PCDH7: variants seen among roughly 807,000 people sequenced by gnomAD.
PCDH7 encodes the protein protocadherin 7, also known as protocadherin-7.
In PCDH7, 17 loss-of-function variants were observed where a neutral mutation model predicts 58.9. The observed-to-expected ratio is 0.29, with a 90% CI of 0.20 to 0.43. PCDH7 has a LOEUF of 0.43. PCDH7 is among the 20% of genes least tolerant of loss of function. The pLI is 1.00. For synonymous variants in PCDH7, 664 were observed against 616.4 expected (o/e 1.08, Z -1.14); for missense variants, 1,274 against 1,441.0 (o/e 0.88, Z 1.88).
At chr4:31,003,530 G>T (rs917232063) in intron 3 of PCDH7, among the ~76,000 whole-genome samples, 1 of 151,928 alleles carries the variant, frequency 6.6e-6, no homozygotes, top group Non-Finnish European at 1.5e-5. Flanking sequence ...GTGATTACCG[G>T]CTCAGTATCC....
At chr4:30,997,578 G>A (rs1190304824) in intron 3 of PCDH7, among the ~76,000 whole-genome samples, 1 of 152,056 alleles carries the variant, frequency 6.6e-6, no homozygotes, top group African/African-American at 2.4e-5. Flanking sequence ...TATATTTAAA[G>A]ATGGTGATTT....
chr4:30,850,367 G>A (rs1018820966), intron 1 of PCDH7, among the ~76,000 whole-genome samples: 2 of 151,910 alleles, frequency 1.3e-5, no homozygotes, highest in African/African-American at 4.8e-5. Flanking sequence ...TTTAATAACT[G>A]CTCTTCTCTT....
chr4:31,122,985 G>A (rs1345581939), intron 3 of PCDH7, among the ~76,000 whole-genome samples: 1 of 151,718 alleles, frequency 6.6e-6, no homozygotes, highest in East Asian at 1.9e-4. Context: ...ATTAACTTTT[G>A]TACACCTAAT....
At position 31,128,146 on chromosome 4, in the gene PCDH7, T is replaced by C. The variant is rs191897261; in HGVS notation, c.*8-14327T>C. Among the ~76,000 whole-genome samples the C allele has an allele frequency of 2.8e-3, 414 of 149,256 alleles. 1 individual carries two copies. Among genetic ancestry groups the C allele is most frequent in the East Asian group, 0.02 (100 of 5,124 alleles). ...ATATATGTATGCACATATACATATA[T>C]ACACACACACACACACACGGACACA... On this transcript the variant is annotated intron_variant, in intron 3 of 3. Coordinates refer to the PCDH7 transcript ENST00000509759.
intron 3 of PCDH7, among the ~76,000 whole-genome samples, chr4:31,065,389 C>A (rs993788826): frequency 1.3e-5 from 2 of 151,972 alleles, no homozygotes; most frequent in Non-Finnish European, 2.9e-5. Context: ...ATGGACTTTA[C>A]TGAAAATTGT....
intron 3 of PCDH7, among the ~76,000 whole-genome samples, chr4:31,078,439 T>C (rs1180194764): frequency 6.6e-6 from 1 of 151,986 alleles, no homozygotes; most frequent in Non-Finnish European, 1.5e-5. Context: ...CATGTCAATA[T>C]GCTTGGCTAA....
At chr4:31,059,376 T>C (rs878995659) in intron 3 of PCDH7, among the ~76,000 whole-genome samples, 1 of 151,898 alleles carries the variant, frequency 6.6e-6, no homozygotes, top group African/African-American at 2.4e-5. Context: ...TGATTACTAT[T>C]TTTTAAAATC....
At chr4:31,101,100 A>G (rs563083573) in intron 3 of PCDH7, among the ~76,000 whole-genome samples, 1 of 151,208 alleles carries the variant, frequency 6.6e-6, no homozygotes, top group African/African-American at 2.4e-5. Flanking sequence ...ACCAGGTAGC[A>G]TTTTTTTTTC....
intron 1 of PCDH7, among the ~76,000 whole-genome samples, chr4:30,782,202 A>T (rs1426747713): frequency 1.3e-5 from 2 of 152,202 alleles, no homozygotes. Context: ...GGAAACTTGT[A>T]TAAGTTTGCT....
chr4:30,952,015 C>T (rs552107099), intron 3 of PCDH7, among the ~76,000 whole-genome samples: 26 of 152,262 alleles, frequency 1.7e-4, no homozygotes, highest in African/African-American at 6.3e-4. Context: ...AACATGGGCC[C>T]TTCCCTTCAC....
intron 3 of PCDH7, among the ~76,000 whole-genome samples, chr4:31,123,062 T>TA (rs1366919054): frequency 6.6e-6 from 1 of 152,074 alleles, no homozygotes; most frequent in Non-Finnish European, 1.5e-5. Flanking sequence ...TAATATTTGT[T>TA]AATTTTAATA....
chr4:31,103,024 T>C (rs1715094185), intron 3 of PCDH7, among the ~76,000 whole-genome samples: 1 of 152,208 alleles, frequency 6.6e-6, no homozygotes, highest in African/African-American at 2.4e-5. Context: ...TAACTGATGT[T>C]TACATTAGTA....
At chr4:30,814,254 C>A (rs918244437) in intron 1 of PCDH7, among the ~76,000 whole-genome samples, 7 of 151,662 alleles carry the variant, frequency 4.6e-5, no homozygotes, top group African/African-American at 1.2e-4. Context: ...AGTAATACGC[C>A]TATATTAAAT....
chr4:30,806,784 T>A (rs893428188), intron 1 of PCDH7, among the ~76,000 whole-genome samples: 17 of 152,008 alleles, frequency 1.1e-4, no homozygotes, highest in Admixed American at 4.6e-4. Flanking sequence ...TTCTGTAGCA[T>A]TTACTAAGGT....
intron 3 of PCDH7, among the ~76,000 whole-genome samples, chr4:31,138,606 T>A (rs1719894932): frequency 6.6e-6 from 1 of 152,186 alleles, no homozygotes; most frequent in Non-Finnish European, 1.5e-5. Flanking sequence ...CTCCTTGCTA[T>A]ATGATTGAGG....
intron 3 of PCDH7, among the ~76,000 whole-genome samples, chr4:31,134,058 T>C (rs1208506586): frequency 1.3e-5 from 2 of 152,212 alleles, no homozygotes; most frequent in Non-Finnish European, 2.9e-5. Context: ...AGTAGCTCTC[T>C]ACTTGAACTT....
chr4:30,932,483 A>G (rs1304963602), intron 2 of PCDH7, among the ~76,000 whole-genome samples: 3 of 152,206 alleles, frequency 2.0e-5, no homozygotes, highest in Non-Finnish European at 2.9e-5. Flanking sequence ...TATAAGCACT[A>G]TATCGATAAA....
At chr4:30,850,786 C>G (rs541212029) in intron 1 of PCDH7, among the ~76,000 whole-genome samples, 1 of 152,072 alleles carries the variant, frequency 6.6e-6, no homozygotes, top group African/African-American at 2.4e-5. Context: ...CCAGACCTTG[C>G]GTTTTTGGTT....
At chr4:30,829,830 G>C (rs1034258748) in intron 1 of PCDH7, among the ~76,000 whole-genome samples, 3 of 151,928 alleles carry the variant, frequency 2.0e-5, no homozygotes, top group Non-Finnish European at 2.9e-5. Context: ...AAATAGAAGG[G>C]GGATGGAGAG....
Sources: gnomAD v4.1 joint callset for allele counts (sites outside exome capture counted in the v4.1 genomes callset) on GRCh38, gnomAD v4.1.1 for gene constraint, MANE v1.5 for transcripts, NCBI Gene and HGNC (gene_info 2026-07-23, HGNC 2026-07-21) for gene names.